Variants in PUS10 observed in about 807,000 individuals in gnomAD.
PUS10 encodes tRNA pseudouridine synthase Pus10.
Under a neutral mutation model 75.0 loss-of-function variants are expected in PUS10, and 59 were observed. The ratio of observed to expected loss-of-function variants is 0.79; its 90% CI spans 0.64 to 0.98. PUS10 has a LOEUF of 0.98. Ranked by LOEUF, PUS10 falls within the 50% of genes least tolerant of loss-of-function variation. The pLI is 0.00. For synonymous variants in PUS10, 219 were observed against 211.6 expected, an observed-to-expected ratio of 1.03 and a Z score of -0.30; for missense variants, 650 against 614.4, an observed-to-expected ratio of 1.06 and a Z score of -0.61.
Position 61,006,547 on chromosome 2 carries a change from A to G in PUS10, c.468+10T>C. On this transcript the variant is annotated intron_variant, in intron 4 of 17. Transcript: ENST00000316752. The stretch of plus-strand genomic sequence containing the variant: ...TTCACATACAGTTTTATGCATGCAA[A>G]TGACCTTACCTCTCTTACAGATAGT... 6.3e-7 allele frequency: 1 copy of G among 1,599,358 alleles called. No individual in the cohort carries two copies. The highest frequency in any genetic ancestry group is 8.6e-7 in the Non-Finnish European group (1 of 1,168,458).
intron 15 of PUS10, among the ~76,000 whole-genome samples, chr2:60,949,961 T>C (rs1160431855): frequency 6.6e-6 from 1 of 152,222 alleles, no homozygotes; most frequent in African/African-American, 2.4e-5. Context: ...CCTCAAACTA[T>C]GAACCTATTT....
Position 61,017,989 on chromosome 2 carries a change from G to C in PUS10, c.-16+19C>G. ...CCCAACCTTGGGGATAGGGGCCGAG[G>C]TGGAGCTGGGGCGCTTACCAGTGGG... On this transcript the variant is annotated intron_variant, in intron 1 of 17. Transcript: ENST00000316752. 1 of 1,319,102 alleles carries C rather than the reference G, an allele frequency of 7.6e-7. No homozygotes were observed. The highest frequency in any genetic ancestry group is 1.0e-6 in the Non-Finnish European group (1 of 966,538). 81.7% of individuals were successfully genotyped at this position (1,319,102 alleles called of 1,614,324 possible).
In PUS10 at chr2:61,010,904, A is replaced by G. The variant is rs962308407; in HGVS notation, c.126+861T>C. ...GTTTCTTCATCTGAAAATAGAGACAATCATAGTATGTACTTACCTAATCAG... is the reference window on the plus strand; with the variant it reads ...GTTTCTTCATCTGAAAATAGAGACAGTCATAGTATGTACTTACCTAATCAG... On this transcript the variant is annotated intron_variant, in intron 2 of 17. Coordinates refer to ENST00000316752, the MANE Select transcript of PUS10 (RefSeq NM_144709.4). 2.6e-6 allele frequency: 4 copies of G among 1,548,032 alleles called. No homozygotes were observed. In the African/African-American group the frequency reaches 4.1e-5, roughly 16 times the overall value.
At chr2:61,016,044 T>C (rs752435308) in intron 1 of PUS10, among the ~76,000 whole-genome samples, 9 of 152,242 alleles carry the variant, frequency 5.9e-5, no homozygotes, top group Non-Finnish European at 1.3e-4. Context: ...TTTCCCTCGA[T>C]ACTTAAATAG....
intron 2 of PUS10, 25 bp downstream of exon 2, chr2:61,011,740 A>G (rs1240174016): frequency 6.8e-7 from 1 of 1,475,036 alleles, no homozygotes; most frequent in Non-Finnish European, 9.0e-7. Context: ...TAATTTGAAA[A>G]AAAAAAAAAA....
chr2:60,971,522 C>T lies in PUS10; in HGVS notation c.503+1G>A. ...AAAAATTCCCTACCTAAATTACTTA[C>T]CCCATTTCCTGTTTTACCAGCAACC... On this transcript the variant is annotated splice_donor_variant, in intron 5 of 17. Transcript: ENST00000316752. LOFTEE classifies it high-confidence loss of function. 6.2e-7 allele frequency: 1 copy of T among 1,613,404 alleles called. No individual in the cohort carries two copies. The highest frequency in any genetic ancestry group is 1.1e-5 in the South Asian group (1 of 91,048).
At chr2:61,017,690 C>A (rs988092913) in intron 1 of PUS10, 2 of 1,273,754 alleles carry the variant, frequency 1.6e-6, no homozygotes, top group East Asian at 5.1e-5. Flanking sequence ...GTGTCTTACG[C>A]TCCAGGTGCT....
intron 4 of PUS10, among the ~76,000 whole-genome samples, chr2:60,997,477 G>A (rs1678550527): frequency 6.6e-6 from 1 of 152,090 alleles, no homozygotes; most frequent in Non-Finnish European, 1.5e-5. Context: ...AGGCCGGGTG[G>A]CAGGCACCTG....
At chr2:60,962,980 GTATCATTTCATTA>G in intron 8 of PUS10, 90 bp from the exon 9 acceptor site, 2 of 1,440,538 alleles carry the variant, frequency 1.4e-6, no homozygotes, top group Non-Finnish European at 1.8e-6. Context: ...TGGAGAAATT[GTATCATTTCATTA>G]TATCATTTCA....
intron 4 of PUS10, among the ~76,000 whole-genome samples, chr2:61,001,649 C>CA: frequency 6.6e-6 from 1 of 152,222 alleles, no homozygotes; most frequent in South Asian, 2.1e-4. Context: ...CCCAGGTTGG[C>CA]AAAAAATTTA....
In PUS10 at chr2:60,944,146, T is replaced by A. The variant is rs1158251712; in HGVS notation, c.1551+863A>T. On this transcript the variant is annotated intron_variant, in intron 17 of 17. Transcript: ENST00000316752. ...CTGTCTCAAAAAAAAAAAAAGATGA[T>A]GAGTAGAGATTTTCTTTAACAGAAG... 2.8e-5 allele frequency: 22 copies of A among 798,104 alleles called. No individual in the cohort carries two copies. In the Middle Eastern group the frequency reaches 5.9e-3, roughly 213 times the overall value. 49.4% of individuals were successfully genotyped at this position (798,104 alleles called of 1,614,324 possible).
intron 4 of PUS10, among the ~76,000 whole-genome samples, chr2:60,992,336 C>T (rs1678142352): frequency 1.3e-5 from 2 of 151,876 alleles, no homozygotes; most frequent in East Asian, 3.9e-4. Context: ...TAATACATGT[C>T]TACATTTAAA....
At chr2:60,956,547 G>T (rs1248516647) in intron 11 of PUS10, among the ~76,000 whole-genome samples, 1 of 152,152 alleles carries the variant, frequency 6.6e-6, no homozygotes, top group Non-Finnish European at 1.5e-5. Flanking sequence ...AAATTCATAA[G>T]TCAGCCATAA....
chr2:61,000,567 C>A (rs1048373060), intron 4 of PUS10, among the ~76,000 whole-genome samples: 1 of 152,162 alleles, frequency 6.6e-6, no homozygotes, highest in Non-Finnish European at 1.5e-5. Context: ...AGAAGAACAT[C>A]TGCATTCCTT....
At chr2:60,994,068 C>A (rs71420380) in intron 4 of PUS10, among the ~76,000 whole-genome samples, 1 of 151,508 alleles carries the variant, frequency 6.6e-6, no homozygotes, top group Middle Eastern at 3.2e-3. Flanking sequence ...GGATTACAGG[C>A]GTGAGCCACC....
chr2:60,954,687 T>C lies in PUS10; in HGVS notation c.1057+331A>G, dbSNP rs573123763. 9.8e-5 allele frequency among the ~76,000 whole-genome samples: 15 copies of C among 152,320 alleles called. No individual in the cohort carries two copies. In the East Asian group the frequency reaches 2.5e-3, roughly 25 times the overall value. On this transcript the variant is annotated intron_variant, in intron 12 of 17. Coordinates refer to ENST00000316752, the MANE Select transcript of PUS10 (RefSeq NM_144709.4). ...AAATGAAGATGTACATTCTGAAAAC[T>C]GTACTGGTCCTTCTGAAATGTTATT...
intron 4 of PUS10, among the ~76,000 whole-genome samples, chr2:61,005,901 G>A (rs1679178755): frequency 6.6e-6 from 1 of 152,180 alleles, no homozygotes; most frequent in Non-Finnish European, 1.5e-5. Flanking sequence ...TTAGGGGAAA[G>A]ACATCTCATA....
chr2:60,992,408 C>A (rs1678147391), intron 4 of PUS10, among the ~76,000 whole-genome samples: 1 of 152,140 alleles, frequency 6.6e-6, no homozygotes, highest in South Asian at 2.1e-4. Flanking sequence ...CTCAATAGGG[C>A]ATGAGTGCAC....
intron 1 of PUS10, 55 bp downstream of exon 1, chr2:61,017,953 T>C (rs2104788777): frequency 5.8e-6 from 8 of 1,372,568 alleles, no homozygotes; most frequent in Non-Finnish European, 8.0e-6. Context: ...CCTTCCCCCC[T>C]TTAACCAATA....
Sources: allele counts gnomAD v4.1 joint callset (sites outside exome capture counted in the v4.1 genomes callset), GRCh38; gene constraint gnomAD v4.1.1; transcripts MANE v1.5; gene names NCBI Gene and HGNC (gene_info 2026-07-23, HGNC 2026-07-21).